Variants in DLGAP2 observed in about 807,000 individuals in gnomAD.
DLGAP2 encodes disks large-associated protein 2.
In DLGAP2, 26 loss-of-function variants were observed where a neutral mutation model predicts 100.3. The ratio of observed to expected loss-of-function variants is 0.26; its 90% confidence interval spans 0.19 to 0.36. DLGAP2 has a LOEUF of 0.36. DLGAP2 is among the 10% of genes least tolerant of loss of function. The pLI is 1.00. For synonymous variants in DLGAP2, 886 were observed against 630.1 expected (o/e 1.41, Z -6.08); for missense variants, 1,858 against 1,453.2 (o/e 1.28, Z -4.53).
chr8:1,290,241 C>T (rs999953972), intron 3 of DLGAP2, among the ~76,000 whole-genome samples: 1 of 152,174 alleles, frequency 6.6e-6, no homozygotes, highest in Non-Finnish European at 1.5e-5. Flanking sequence ...CTGAGAAAGT[C>T]GGGAAAGGAA....
chr8:1,594,622 C>T (rs1171878969), intron 6 of DLGAP2, among the ~76,000 whole-genome samples: 2 of 152,032 alleles, frequency 1.3e-5, no homozygotes, highest in Non-Finnish European at 2.9e-5. Context: ...TGGGGTTTCA[C>T]CATGTTGGCC....
At chr8:873,265 A>C (rs28449837) in intron 1 of DLGAP2, among the ~76,000 whole-genome samples, 1 of 151,838 alleles carries the variant, frequency 6.6e-6, no homozygotes, top group Non-Finnish European at 1.5e-5. Flanking sequence ...ATATGATATC[A>C]TGCCATCAGG....
intron 14 of DLGAP2, 147 bp downstream of exon 14, chr8:1,697,446 G>A: frequency 8.4e-7 from 1 of 1,189,874 alleles, no homozygotes; most frequent in Non-Finnish European, 1.2e-6. Flanking sequence ...GTGTGCACAT[G>A]TGTATACGCA....
At chr8:797,693 C>A (rs1796063637) in intron 1 of DLGAP2, among the ~76,000 whole-genome samples, 1 of 152,266 alleles carries the variant, frequency 6.6e-6, no homozygotes, top group East Asian at 1.9e-4. Context: ...GAGCTCCTGG[C>A]TCTCCGGGTC....
intron 2 of DLGAP2, among the ~76,000 whole-genome samples, chr8:919,361 G>A (rs950347376): frequency 2.6e-5 from 4 of 152,164 alleles, no homozygotes; most frequent in East Asian, 3.9e-4. Flanking sequence ...TGTGCTTTCT[G>A]ATGTTCTCAG....
chr8:1,534,267 A>T (rs73672789), intron 4 of DLGAP2, among the ~76,000 whole-genome samples: 1 of 152,228 alleles, frequency 6.6e-6, no homozygotes, highest in African/African-American at 2.4e-5. Context: ...GTGTGTCACA[A>T]GGCAAATTTT....
chr8:1,266,787 G>C lies in DLGAP2; in HGVS notation c.106+7904G>C, dbSNP rs150219926. 8.9e-4 allele frequency among the ~76,000 whole-genome samples: 135 copies of C among 152,196 alleles called. 3 individuals are homozygous for C. The highest frequency in any genetic ancestry group is 2.2e-4 in the Non-Finnish European group (15 of 68,002). On this transcript the variant is annotated intron_variant, in intron 3 of 14. Coordinates refer to ENST00000637795, the MANE Select transcript of DLGAP2 (RefSeq NM_001346810.2). ...TTTGTGTGTGTGTTTTATGAACAAA[G>C]AGAAAGCTATCGAGGAATACTTTGG... is the stretch of plus-strand genomic sequence containing the variant.
At chr8:1,520,364 C>T (rs899725986) in intron 4 of DLGAP2, among the ~76,000 whole-genome samples, 4 of 152,212 alleles carry the variant, frequency 2.6e-5, no homozygotes, top group Admixed American at 6.5e-5. Context: ...AGTGGTTTCC[C>T]GTGTTCTTCA....
chr8:1,649,061 G>A (rs1024891721), intron 8 of DLGAP2, among the ~76,000 whole-genome samples: 4 of 152,152 alleles, frequency 2.6e-5, no homozygotes, highest in African/African-American at 9.7e-5. Flanking sequence ...ATCATTGCCT[G>A]TGACGCTTCA....
chr8:1,363,651 T>C (rs985067212), intron 3 of DLGAP2, among the ~76,000 whole-genome samples: 1 of 152,164 alleles, frequency 6.6e-6, no homozygotes, highest in Non-Finnish European at 1.5e-5. Context: ...TCTGGCCCTC[T>C]TGACCTTGCT....
At chr8:1,513,122 T>C (rs1315212323) in intron 4 of DLGAP2, among the ~76,000 whole-genome samples, 7 of 125,778 alleles carry the variant, frequency 5.6e-5, no homozygotes, top group African/African-American at 1.2e-4. Flanking sequence ...ACAGGCCAGC[T>C]CCAGGGAGGC....
At chr8:849,825 C>T (rs534817679) in intron 1 of DLGAP2, among the ~76,000 whole-genome samples, 32 of 152,256 alleles carry the variant, frequency 2.1e-4, no homozygotes, top group Non-Finnish European at 3.4e-4. Context: ...CACCTGAAAT[C>T]CCAGCACTTT....
chr8:1,322,415 C>CTGGATCCTGCTTCTGTGACTTCACGCGTG (rs1365303137), intron 3 of DLGAP2, among the ~76,000 whole-genome samples: 1 of 152,230 alleles, frequency 6.6e-6, no homozygotes, highest in African/African-American at 2.4e-5. Context: ...ACCCGGCGTG[C>CTGGATCCTGCTTCTGTGACTTCACGCGTG]TGGATCCTGC....
chr8:829,834 T>A (rs1177046765), intron 1 of DLGAP2, among the ~76,000 whole-genome samples: 1 of 152,238 alleles, frequency 6.6e-6, no homozygotes, highest in Non-Finnish European at 1.5e-5. Context: ...TTATGGTGCT[T>A]TCCTTGTCAA....
chr8:1,629,002 A>G (rs566781711), intron 7 of DLGAP2, among the ~76,000 whole-genome samples: 13 of 152,266 alleles, frequency 8.5e-5, no homozygotes, highest in African/African-American at 3.1e-4. Context: ...TATTATTACC[A>G]TGATAACAAT....
chr8:912,278 T>C (rs779562197), intron 2 of DLGAP2, among the ~76,000 whole-genome samples: 3 of 152,190 alleles, frequency 2.0e-5, no homozygotes, highest in African/African-American at 4.8e-5. Context: ...TGACAATGAA[T>C]GTAAAATGAC....
intron 2 of DLGAP2, among the ~76,000 whole-genome samples, chr8:1,205,654 C>T (rs1261235837): frequency 6.6e-6 from 1 of 152,104 alleles, no homozygotes; most frequent in Non-Finnish European, 1.5e-5. Context: ...TCGGGAAAGG[C>T]ACAGGTGGGA....
intron 1 of DLGAP2, among the ~76,000 whole-genome samples, chr8:800,975 C>G (rs7836328): frequency 0.25 from 37,865 of 151,732 alleles, 5,931 homozygotes; most frequent in African/African-American, 0.44. Flanking sequence ...GGGTCCCCAT[C>G]CACCTGCCAC....
intron 2 of DLGAP2, among the ~76,000 whole-genome samples, chr8:915,287 C>G (rs1798567037): frequency 6.6e-6 from 1 of 152,216 alleles, no homozygotes; most frequent in Non-Finnish European, 1.5e-5. Context: ...GTGGCTCACG[C>G]CTGTAATCCC....
Sources: gnomAD v4.1 joint callset for allele counts (sites outside exome capture counted in the v4.1 genomes callset) on GRCh38, gnomAD v4.1.1 for gene constraint, MANE v1.5 for transcripts, NCBI Gene and HGNC (gene_info 2026-07-23, HGNC 2026-07-21) for gene names.